SYNE1: variants seen among roughly 807,000 people sequenced by gnomAD.
SYNE1 encodes spectrin repeat containing nuclear envelope protein 1.
Under a neutral mutation model 1,111.0 loss-of-function variants are expected in SYNE1, and 616 were observed. The ratio of observed to expected loss-of-function variants is 0.55; its 90% CI spans 0.52 to 0.59. The LOEUF (loss-of-function observed/expected upper bound fraction) is 0.59. SYNE1 is among the 20% of genes least tolerant of loss of function. SYNE1 has a pLI of 0.00. For synonymous variants in SYNE1, 3,855 were observed against 3,825.8 expected, an observed-to-expected ratio of 1.01 and a Z score of -0.28; for missense variants, 10,006 against 10,417.0, an observed-to-expected ratio of 0.96 and a Z score of 1.72.
chr6:152,323,031 G>A (rs189775570), intron 82 of SYNE1, among the ~76,000 whole-genome samples: 1 of 152,150 alleles, frequency 6.6e-6, no homozygotes, highest in Admixed American at 6.5e-5. Flanking sequence ...TCAGACAAAC[G>A]ATTGAAGAGT....
intron 111 of SYNE1, among the ~76,000 whole-genome samples, chr6:152,234,398 G>T (rs112686139): frequency 6.6e-6 from 1 of 152,064 alleles, no homozygotes; most frequent in South Asian, 2.1e-4. Context: ...GGGTTCAAGC[G>T]ATTCTCCTGC....
At chr6:152,502,477 C>A (rs1451015730) in intron 10 of SYNE1, among the ~76,000 whole-genome samples, 156 bp downstream of exon 10, 1 of 152,174 alleles carries the variant, frequency 6.6e-6, no homozygotes, top group African/African-American at 2.4e-5. Context: ...AAAACCCTTT[C>A]CTCTAATCAT....
chr6:152,455,283 G>A, intron 24 of SYNE1, 143 bp downstream of exon 24: 1 of 795,916 alleles, frequency 1.3e-6, no homozygotes, highest in African/African-American at 1.7e-5. Context: ...ATATCTTTGG[G>A]TCTCATACCT....
At chr6:152,272,377 A>C (rs767534086) in intron 98 of SYNE1, among the ~76,000 whole-genome samples, 19 of 152,184 alleles carry the variant, frequency 1.2e-4, no homozygotes, top group Admixed American at 2.6e-4. Flanking sequence ...GGGCTACATA[A>C]ACTTTATTTT....
rs35128811 is a variant in SYNE1, at chr6:152,218,404, C to CT, written c.22045-2dup. The CT allele has an allele frequency of 3.9e-5, 63 of 1,609,572 alleles. No individual in the cohort carries two copies. Among genetic ancestry groups the CT allele is most frequent in the South Asian group, 3.0e-4 (27 of 90,638 alleles). Reference sequence around the variant, plus strand: ...AGGTTTCATAATCAAGAACTCCAGCCTTTTTTTCCACAAAAGAAATTGGTA... The same window carrying CT: ...AGGTTTCATAATCAAGAACTCCAGCCTTTTTTTTCCACAAAAGAAATTGGTA... On this transcript the variant is annotated splice_acceptor_variant, in intron 120 of 145. Coordinates refer to ENST00000367255, the MANE Select transcript of SYNE1 (RefSeq NM_182961.4). LOFTEE classifies it high-confidence loss of function.
At chr6:152,232,863 C>A (rs1420089056) in intron 112 of SYNE1, among the ~76,000 whole-genome samples, 4 of 152,202 alleles carry the variant, frequency 2.6e-5, no homozygotes, top group African/African-American at 9.6e-5. Context: ...CATTTAAAAT[C>A]TTTGTATATC....
intron 3 of SYNE1, among the ~76,000 whole-genome samples, chr6:152,611,967 A>G (rs4870120): frequency 0.72 from 108,440 of 151,578 alleles, 38,880 homozygotes; most frequent in East Asian, 0.81. Context: ...AAGACACAGC[A>G]TACCAGAATC....
At chr6:152,159,257 T>A (rs1301977663) in intron 131 of SYNE1, among the ~76,000 whole-genome samples, 1 of 152,200 alleles carries the variant, frequency 6.6e-6, no homozygotes, top group African/African-American at 2.4e-5. Flanking sequence ...GTGCTTCTTC[T>A]TAGTAATTTG....
Position 152,362,283 on chromosome 6 carries a change from C to A in SYNE1, c.10186G>T (p.Asp3396Tyr). ...GALSKWTSYQ[D>Y]GVRQFSGWMD... ...CAACCGGAGAACTGTCGAACGCCAT[C>A]CTGATAACTTGTCCACTTGGAGAGA... is the stretch of plus-strand genomic sequence containing the variant. The change falls in exon 64 of 146, where the codon GAT becomes TAT. Residue 3396 changes from aspartate (D) to tyrosine (Y), a missense_variant. Transcript: ENST00000367255. The A allele has an allele frequency of 6.2e-7, 1 of 1,614,236 alleles. No homozygotes were observed. The highest frequency in any genetic ancestry group is 8.5e-7 in the Non-Finnish European group (1 of 1,180,042).
chr6:152,402,415 C>T (rs1259081626), intron 46 of SYNE1: 1 of 152,182 alleles, frequency 6.6e-6, no homozygotes, highest in African/African-American at 2.4e-5. Flanking sequence ...ATATGGTGGT[C>T]TCTTCCTTTC....
In SYNE1 at chr6:152,535,252, T is replaced by A. The variant is rs75807123; in HGVS notation, c.129+4708A>T. 5.4e-3 allele frequency among the ~76,000 whole-genome samples: 829 copies of A among 152,298 alleles called. 9 individuals are homozygous for A. Among genetic ancestry groups the A allele is most frequent in the African/African-American group, 0.019 (777 of 41,560 alleles). ...GTCTCCAGAACTCTGAGATAACAAA[T>A]TTCTCATTTTAAGCCACCCAGTATG... On this transcript the variant is annotated intron_variant, in intron 4 of 145. Coordinates refer to ENST00000367255, the MANE Select transcript of SYNE1 (RefSeq NM_182961.4).
At chr6:152,415,713 TGACTTTA>T (rs2098140417) in intron 41 of SYNE1, among the ~76,000 whole-genome samples, 1 of 147,252 alleles carries the variant, frequency 6.8e-6, no homozygotes, top group Non-Finnish European at 1.5e-5. Flanking sequence ...GCTCATAAAC[TGACTTTA>T]GGGAAATCCA....
At chr6:152,271,283 T>C (rs1176845670) in intron 98 of SYNE1, among the ~76,000 whole-genome samples, 2 of 152,254 alleles carry the variant, frequency 1.3e-5, no homozygotes, top group African/African-American at 2.4e-5. Flanking sequence ...ATAGACTTTA[T>C]CTTTATCTTT....
intron 130 of SYNE1, among the ~76,000 whole-genome samples, chr6:152,165,845 A>C (rs1368593025): frequency 6.6e-6 from 1 of 152,230 alleles, no homozygotes; most frequent in Non-Finnish European, 1.5e-5. Flanking sequence ...TATTATGGCT[A>C]CTGGGTACAA....
chr6:152,284,759 G>A (rs1443237875), intron 95 of SYNE1, among the ~76,000 whole-genome samples: 1 of 151,464 alleles, frequency 6.6e-6, no homozygotes, highest in Admixed American at 6.6e-5. Flanking sequence ...ATTTCTAAGA[G>A]TCTCCAATAC....
At position 152,376,904 on chromosome 6, in the gene SYNE1, C is replaced by T; in HGVS notation, c.9018G>A (p.Leu3006=). The change falls in exon 57 of 146, where the codon CTG becomes CTA. Residue 3006 remains leucine (L), a synonymous_variant. Coordinates refer to ENST00000367255, the MANE Select transcript of SYNE1 (RefSeq NM_182961.4). ...VECWHKGQEI[L]DALQKAEPRT... is the part of the protein sequence containing the mutation. Reference sequence around the variant, plus strand: ...TAGGCTCTGCTTTTTGCAAAGCATCCAGTATCTCCTGTTCAGAAATAATGA... The same window carrying T: ...TAGGCTCTGCTTTTTGCAAAGCATCTAGTATCTCCTGTTCAGAAATAATGA... 6.2e-7 allele frequency: 1 copy of T among 1,613,836 alleles called. No homozygotes were observed. Among genetic ancestry groups the T allele is most frequent in the Non-Finnish European group, 8.5e-7 (1 of 1,179,982 alleles).
chr6:152,255,466 T>C, intron 103 of SYNE1, 125 bp downstream of exon 103: 1 of 1,157,182 alleles, frequency 8.6e-7, no homozygotes, highest in Non-Finnish European at 1.3e-6. Flanking sequence ...ATTTAAGCAA[T>C]TATGTTCTGC....
At chr6:152,424,437 C>T (rs1013815007) in intron 39 of SYNE1, among the ~76,000 whole-genome samples, 6 of 152,210 alleles carry the variant, frequency 3.9e-5, no homozygotes, top group Admixed American at 1.3e-4. Flanking sequence ...CAGAAAATTG[C>T]TCACCTTTCA....
rs1235867372 is a variant in SYNE1 at position 152,354,969 on chromosome 6, T to C, written c.10616A>G (p.Gln3539Arg). 4 of 1,613,898 alleles carry C rather than the reference T, an allele frequency of 2.5e-6. No homozygotes were observed. Among genetic ancestry groups the C allele is most frequent in the Non-Finnish European group, 3.4e-6 (4 of 1,180,038 alleles). ...GGCCTGCCCCTCTGCACAGTGTACC[T>C]GTAGCTCCTGCAGAGAAAAAGGTAT... ...ETTLRDLQEL[Q>R]VHCAEGQALL... The change falls in exon 67 of 146, where the codon CAG becomes CGG. Residue 3539 changes from glutamine (Q) to arginine (R), a missense_variant. Physicochemically the swap from Gln to Arg is conservative, Grantham distance 43. Around this residue, in one of 7 missense-constraint regions of SYNE1, gnomAD observed 4,955 missense variants for 5,017.2 expected, o/e 0.99. Coordinates refer to ENST00000367255, the MANE Select transcript of SYNE1 (RefSeq NM_182961.4).
Sources: allele counts gnomAD v4.1 joint callset (sites outside exome capture counted in the v4.1 genomes callset), GRCh38; gene constraint gnomAD v4.1.1; regional missense constraint gnomAD v4.1.1; transcripts MANE v1.5; gene names NCBI Gene and HGNC (gene_info 2026-07-23, HGNC 2026-07-21).